The following AK5 variants were observed in gnomAD, a reference collection of about 807,000 sequenced individuals.
AK5 encodes adenylate kinase 5.
In AK5, 27 loss-of-function variants were observed where a neutral mutation model predicts 69.5. The ratio of observed to expected loss-of-function variants is 0.39; its 90% CI spans 0.29 to 0.54. The LOEUF (loss-of-function observed/expected upper bound fraction) is 0.54, where lower values mean the gene tolerates loss of function less well. AK5 is among the 20% of genes least tolerant of loss of function. The pLI is 0.71. For synonymous variants in AK5, 260 were observed against 244.4 expected, an observed-to-expected ratio of 1.06 and a Z score of -0.60; for missense variants, 531 against 700.4, an observed-to-expected ratio of 0.76 and a Z score of 2.73.
chr1:77,393,656 T>A (rs990159173), intron 6 of AK5, among the ~76,000 whole-genome samples: 2 of 152,158 alleles, frequency 1.3e-5, no homozygotes, highest in African/African-American at 4.8e-5. Flanking sequence ...ATTTACTACA[T>A]GCAAAGTTCT....
In AK5 at chr1:77,550,368, G is replaced by A. The variant is rs531310175; in HGVS notation, c.1621-8234G>A. On this transcript the variant is annotated intron_variant, in intron 13 of 13. Transcript: ENST00000354567. Reference sequence around the variant, plus strand: ...TGCAGATCTTTCGGAGAAAGGTCACGATGAAACTTACTTTTGACTGTTCAT... The same window carrying A: ...TGCAGATCTTTCGGAGAAAGGTCACAATGAAACTTACTTTTGACTGTTCAT... 3.3e-5 allele frequency among the ~76,000 whole-genome samples: 5 copies of A among 152,216 alleles called. No individual in the cohort carries two copies. In the South Asian group the frequency reaches 8.3e-4, roughly 25 times the overall value.
At position 77,283,460 on chromosome 1, in the gene AK5, G is replaced by A. The variant is rs954899230; in HGVS notation, c.60+1087G>A. The A allele has an allele frequency of 4.1e-6, 4 of 985,234 alleles. No individual in the cohort carries two copies. The African/African-American group carries it at 7.0e-5, about 17-fold the overall frequency. The allele number at this position is 985,234 out of a possible 1,614,324, so 61.0% of individuals were successfully genotyped here. On this transcript the variant is annotated intron_variant, in intron 1 of 13. Coordinates refer to ENST00000354567, the MANE Select transcript of AK5 (RefSeq NM_174858.3). ...CCCCCCGGTTTGGGGGATTTGTTCTGTTAAAAGGAATTTTAAAGCACCACT... is the reference window on the plus strand; with the variant it reads ...CCCCCCGGTTTGGGGGATTTGTTCTATTAAAAGGAATTTTAAAGCACCACT...
At chr1:77,400,303 A>G (rs1219161536) in intron 6 of AK5, among the ~76,000 whole-genome samples, 3 of 152,210 alleles carry the variant, frequency 2.0e-5, no homozygotes, top group African/African-American at 7.2e-5. Context: ...TCTGCAATGT[A>G]GTTACACAAC....
intron 8 of AK5, among the ~76,000 whole-genome samples, chr1:77,432,412 C>G (rs909053940): frequency 6.6e-6 from 1 of 152,140 alleles, no homozygotes; most frequent in Non-Finnish European, 1.5e-5. Flanking sequence ...TTTGTCTATT[C>G]CATAGTATTT....
intron 13 of AK5, among the ~76,000 whole-genome samples, chr1:77,558,069 A>T (rs541233309): frequency 6.6e-6 from 1 of 152,302 alleles, no homozygotes; most frequent in South Asian, 2.1e-4. Context: ...TCCCCTGTCC[A>T]TCTGGATATA....
intron 13 of AK5, 46 bp from the exon 14 acceptor site, chr1:77,558,556 T>G (rs1234448729): frequency 1.6e-5 from 19 of 1,215,440 alleles, no homozygotes; most frequent in Non-Finnish European, 2.2e-5. Flanking sequence ...TAAACATGAT[T>G]TACAGATATT....
At chr1:77,306,489 T>TG (rs1297820308) in intron 5 of AK5, among the ~76,000 whole-genome samples, 74 of 130,386 alleles carry the variant, frequency 5.7e-4, no homozygotes, top group African/African-American at 1.8e-3. Flanking sequence ...GCTAGGTTTT[T>TG]TTTTGTTTTT....
Position 77,558,553 on chromosome 1 carries a change from G to A in AK5, c.1621-49G>A, listed in dbSNP as rs774444962. 5 of 1,203,234 alleles carry A rather than the reference G, an allele frequency of 4.2e-6. No individual in the cohort carries two copies. In the Admixed American group the frequency reaches 5.5e-5, roughly 13 times the overall value. The allele number at this position is 1,203,234 out of a possible 1,614,324, so 74.5% of individuals were successfully genotyped here. On this transcript the variant is annotated intron_variant, in intron 13 of 13. Transcript: ENST00000354567. The stretch of plus-strand genomic sequence containing the variant: ...ATAGTGTTCTTTCATTATTAAACAT[G>A]ATTTACAGATATTTCAGACTAACTC...
At chr1:77,339,642 A>ATT (rs1457345725) in intron 5 of AK5, among the ~76,000 whole-genome samples, 2 of 124,016 alleles carry the variant, frequency 1.6e-5, no homozygotes, top group Admixed American at 1.0e-4. Context: ...ATTTAGCAAT[A>ATT]TCTTTTTTTT....
intron 8 of AK5, among the ~76,000 whole-genome samples, chr1:77,442,528 G>T (rs1047898805): frequency 1.3e-5 from 2 of 152,138 alleles, no homozygotes; most frequent in Non-Finnish European, 2.9e-5. Context: ...CAGGTTCCCA[G>T]CTTATCCTAG....
At chr1:77,334,320 C>A (rs75789659) in intron 5 of AK5, among the ~76,000 whole-genome samples, 6,644 of 152,216 alleles carry the variant, frequency 0.044, 207 homozygotes, top group South Asian at 0.094. Flanking sequence ...AGCTGTCAGT[C>A]TAATTGTTGC....
chr1:77,463,419 G>T (rs186772136), intron 8 of AK5, among the ~76,000 whole-genome samples: 148 of 152,102 alleles, frequency 9.7e-4, no homozygotes, highest in African/African-American at 3.3e-3. Flanking sequence ...CAGATTCTGG[G>T]GTTACAAAAC....
chr1:77,407,413 G>A (rs77771072), intron 6 of AK5, among the ~76,000 whole-genome samples: 13,620 of 152,056 alleles, frequency 0.09, 827 homozygotes, highest in African/African-American at 0.16. Flanking sequence ...AGTTGCATAC[G>A]GTATTATTCA....
chr1:77,307,836 C>T (rs1314274696), intron 5 of AK5, among the ~76,000 whole-genome samples: 1 of 152,158 alleles, frequency 6.6e-6, no homozygotes, highest in African/African-American at 2.4e-5. Flanking sequence ...TCTATCTTGT[C>T]AGTACTTCTT....
chr1:77,470,849 A>ATTTTT lies in AK5; in HGVS notation c.1060-12467_1060-12466insTTTTT. The stretch of plus-strand genomic sequence containing the variant: ...AGAATATATATATATATATATATAT[A>ATTTTT]TATATATATATATATATATATATAT... On this transcript the variant is annotated intron_variant, in intron 8 of 13. Coordinates refer to ENST00000354567, the MANE Select transcript of AK5 (RefSeq NM_174858.3). Among the ~76,000 whole-genome samples, 2 of 2,066 alleles carry ATTTTT rather than the reference A, an allele frequency of 9.7e-4. 1 individual carries two copies. The allele number at this position is 2,066 out of a possible 152,430, so 1.4% of individuals were successfully genotyped here. A position where few individuals can be genotyped will look rare whatever the true frequency, so the allele number is the denominator to read the frequency against.
intron 6 of AK5, among the ~76,000 whole-genome samples, chr1:77,368,251 ATAATATATATGT>A (rs1647046672): frequency 2.8e-5 from 2 of 70,610 alleles, no homozygotes; most frequent in Non-Finnish European, 6.4e-5. Context: ...ATATATATAT[ATAATATATATGT>A]TATATATATG....
In AK5 at chr1:77,318,954, G is replaced by T. The variant is rs181398469; in HGVS notation, c.699+21007G>T. Among the ~76,000 whole-genome samples the T allele has an allele frequency of 2.6e-3, 402 of 152,258 alleles. 2 individuals are homozygous for T. The highest frequency in any genetic ancestry group is 6.7e-3 in the Admixed American group (103 of 15,296). On this transcript the variant is annotated intron_variant, in intron 5 of 13. Coordinates refer to ENST00000354567, the MANE Select transcript of AK5 (RefSeq NM_174858.3). Reference sequence around the variant, plus strand: ...ACTCAAATAGGCTGAACAGAAGAGTGTTTAATAAAGGTGTGCATAGGACAT... The same window carrying T: ...ACTCAAATAGGCTGAACAGAAGAGTTTTTAATAAAGGTGTGCATAGGACAT...
At chr1:77,337,204 C>G (rs1661407490) in intron 5 of AK5, among the ~76,000 whole-genome samples, 1 of 152,072 alleles carries the variant, frequency 6.6e-6, no homozygotes, top group Non-Finnish European at 1.5e-5. Flanking sequence ...AAAGCCAATA[C>G]CTGTAGTAAA....
At chr1:77,327,548 C>T (rs1424808217) in intron 5 of AK5, among the ~76,000 whole-genome samples, 1 of 152,214 alleles carries the variant, frequency 6.6e-6, no homozygotes, top group East Asian at 1.9e-4. Flanking sequence ...TTAATAGACA[C>T]TGTTTGCAGT....
Sources: gnomAD v4.1 joint callset for allele counts (sites outside exome capture counted in the v4.1 genomes callset) on GRCh38, gnomAD v4.1.1 for gene constraint, MANE v1.5 for transcripts, NCBI Gene and HGNC (gene_info 2026-07-23, HGNC 2026-07-21) for gene names.